Variants in CYFIP2 observed in about 807,000 individuals in gnomAD.
CYFIP2 encodes the protein cytoplasmic FMR1 interacting protein 2.
CYFIP2 carries 29 observed loss-of-function variants against 158.7 expected under a neutral mutation model. The observed-to-expected ratio is 0.18, with a 90% confidence interval of 0.14 to 0.25. The LOEUF (loss-of-function observed/expected upper bound fraction) is 0.25. Ranked by LOEUF, CYFIP2 falls within the 10% of genes least tolerant of loss-of-function variation. The probability of loss-of-function intolerance (pLI) is 1.00; values close to 1 mark genes in which losing one functional copy is unlikely to be tolerated. For synonymous variants in CYFIP2, 585 were observed against 617.6 expected, an observed-to-expected ratio of 0.95 and a Z score of 0.78; for missense variants, 852 against 1,639.5, an observed-to-expected ratio of 0.52 and a Z score of 8.29.
rs1383376761 is a variant in CYFIP2 at position 157,360,264 on chromosome 5, G to C, written c.2818-18G>C. The C allele has an allele frequency of 5.0e-6, 8 of 1,608,866 alleles. No homozygotes were observed. The highest frequency in any genetic ancestry group is 3.3e-4 in the Middle Eastern group (2 of 6,060). On this transcript the variant is annotated intron_variant, in intron 24 of 30. Transcript: ENST00000620254. ...AGCCCAGAATTCAGCCCACTCATCT[G>C]TACTCTTCTTTTGTCAGCTCCAAGG...
At chr5:157,309,609 G>T in intron 9 of CYFIP2, 134 bp from the exon 10 acceptor site, 1 of 736,096 alleles carries the variant, frequency 1.4e-6, no homozygotes, top group South Asian at 1.7e-5. Flanking sequence ...ACATGGTAGC[G>T]TCATCGGAAG....
chr5:157,300,232 C>T (rs572099926), intron 5 of CYFIP2, among the ~76,000 whole-genome samples: 1 of 152,134 alleles, frequency 6.6e-6, no homozygotes, highest in South Asian at 2.1e-4. Flanking sequence ...TCCAGGCTCC[C>T]CTCAAGAAAT....
At chr5:157,306,472 C>A (rs1759231377) in intron 8 of CYFIP2, among the ~76,000 whole-genome samples, 1 of 152,174 alleles carries the variant, frequency 6.6e-6, no homozygotes, top group African/African-American at 2.4e-5. Context: ...TGTTCCCCAC[C>A]CTCTTCAATC....
At chr5:157,379,156 T>G (rs1765785987) in intron 26 of CYFIP2, among the ~76,000 whole-genome samples, 1 of 152,162 alleles carries the variant, frequency 6.6e-6, no homozygotes, top group Admixed American at 6.5e-5. Context: ...CTTGGAAAGA[T>G]GAGATTTTAT....
intron 30 of CYFIP2, among the ~76,000 whole-genome samples, chr5:157,391,550 C>T (rs966051425): frequency 6.6e-6 from 1 of 152,134 alleles, no homozygotes. Flanking sequence ...TTTGTCTTTT[C>T]GTGACTGGCT....
intron 21 of CYFIP2, among the ~76,000 whole-genome samples, chr5:157,333,668 T>C (rs1353312515): frequency 3.3e-5 from 5 of 152,152 alleles, no homozygotes; most frequent in Non-Finnish European, 2.9e-5. Flanking sequence ...TCCTTGAGAT[T>C]TCTAGAGATG....
chr5:157,289,608 G>A (rs1757666084), intron 3 of CYFIP2, among the ~76,000 whole-genome samples: 2 of 152,052 alleles, frequency 1.3e-5, no homozygotes, highest in Admixed American at 1.3e-4. Flanking sequence ...TTCTTTCTGT[G>A]TGTCCAGATT....
Position 157,383,423 on chromosome 5 carries a change from A to G in CYFIP2, c.3207+64A>G, listed in dbSNP as rs1766328003. 5 of 1,444,544 alleles carry G rather than the reference A, an allele frequency of 3.5e-6. No individual in the cohort carries two copies. The South Asian group carries it at 4.7e-5, about 14-fold the overall frequency. The allele number at this position is 1,444,544 out of a possible 1,614,324, so 89.5% of individuals were successfully genotyped here. A position where few individuals can be genotyped will look rare whatever the true frequency, so the allele number is the denominator to read the frequency against. ...CAGGAACTTGAGAGCATTTGACCAAACCCCCTCATTGTACAGGTCAGGAAA... is the reference window on the plus strand; with the variant it reads ...CAGGAACTTGAGAGCATTTGACCAAGCCCCCTCATTGTACAGGTCAGGAAA... On this transcript the variant is annotated intron_variant, in intron 28 of 30. Coordinates refer to ENST00000620254, the MANE Select transcript of CYFIP2 (RefSeq NM_001037333.3).
chr5:157,339,361 G>T, intron 22 of CYFIP2, 105 bp downstream of exon 22: 1 of 1,011,518 alleles, frequency 9.9e-7, no homozygotes, highest in Non-Finnish European at 1.5e-6. Context: ...CCTGCAACAG[G>T]TGTCTCTCAG....
intron 3 of CYFIP2, among the ~76,000 whole-genome samples, chr5:157,293,373 G>T (rs1757990612): frequency 1.3e-5 from 2 of 152,096 alleles, no homozygotes; most frequent in Non-Finnish European, 2.9e-5. Flanking sequence ...CAGGTATTCG[G>T]ACCTTGAGTT....
At chr5:157,286,195 A>G (rs1757361877) in intron 2 of CYFIP2, among the ~76,000 whole-genome samples, 1 of 152,140 alleles carries the variant, frequency 6.6e-6, no homozygotes, top group South Asian at 2.1e-4. Flanking sequence ...ATTGATTCAC[A>G]TCTTCTAACC....
At chr5:157,336,590 C>T (rs1243222981) in intron 21 of CYFIP2, among the ~76,000 whole-genome samples, 1 of 152,216 alleles carries the variant, frequency 6.6e-6, no homozygotes, top group African/African-American at 2.4e-5. Context: ...CCTGAGGCCA[C>T]AGAGCTGGTT....
Position 157,285,448 on chromosome 5 carries a change from C to T in CYFIP2, c.87C>T (p.Ile29=), listed in dbSNP as rs1312258193. 8 of 1,576,324 alleles carry T rather than the reference C, an allele frequency of 5.1e-6. No homozygotes were observed. The highest frequency in any genetic ancestry group is 4.1e-5 in the African/African-American group (3 of 74,042). Residue 29 remains isoleucine, a synonymous_variant, in exon 2 of 31, where the codon ATC becomes ATT. Transcript: ENST00000620254. The part of the protein sequence containing the change: ...ELPLPDQQPC[I]EPPPSSIMYQ... ...CCCTCCCCGACCAGCAGCCATGCAT[C>T]GAGCCTCCACCTTCCTCCATCATGT...
chr5:157,367,585 C>A (rs182283663), intron 26 of CYFIP2, among the ~76,000 whole-genome samples: 327 of 152,238 alleles, frequency 2.1e-3, no homozygotes, highest in Non-Finnish European at 4.0e-3. Flanking sequence ...TTGTTCTTTT[C>A]AACAGTTCCA....
At position 157,376,833 on chromosome 5, in the gene CYFIP2, A is replaced by G. The variant is rs947654809; in HGVS notation, c.3040-5757A>G. Reference sequence around the variant, plus strand: ...ACTTCCAAGCTCAGATCTACTCTGCAGACTCTGCAGGGCCTAGGCCTCACA... The same window carrying G: ...ACTTCCAAGCTCAGATCTACTCTGCGGACTCTGCAGGGCCTAGGCCTCACA... On this transcript the variant is annotated intron_variant, in intron 26 of 30. Coordinates refer to ENST00000620254, the MANE Select transcript of CYFIP2 (RefSeq NM_001037333.3). 4 of 453,262 alleles carry G rather than the reference A, an allele frequency of 8.8e-6. No homozygotes were observed. In the Admixed American group the frequency reaches 9.4e-5, roughly 11 times the overall value. The allele number at this position is 453,262 out of a possible 1,614,324, so 28.1% of individuals were successfully genotyped here.
intron 23 of CYFIP2, 45 bp from the exon 24 acceptor site, chr5:157,358,960 C>T: frequency 6.2e-7 from 1 of 1,612,018 alleles, no homozygotes; most frequent in Non-Finnish European, 8.5e-7. Context: ...CACCAGTGTC[C>T]ATTCAGTACT....
At chr5:157,353,738 T>C (rs988948071) in intron 23 of CYFIP2, among the ~76,000 whole-genome samples, 1 of 152,216 alleles carries the variant, frequency 6.6e-6, no homozygotes, top group African/African-American at 2.4e-5. Flanking sequence ...TAGAGAGCTG[T>C]GTTTGTGTTT....
chr5:157,370,668 A>G (rs1198097632), intron 26 of CYFIP2, among the ~76,000 whole-genome samples: 6 of 152,264 alleles, frequency 3.9e-5, no homozygotes, highest in Non-Finnish European at 1.5e-5. Flanking sequence ...CTATGATTAA[A>G]TCACATTTCC....
chr5:157,271,922 T>C (rs763649164), intron 1 of CYFIP2, among the ~76,000 whole-genome samples: 2 of 152,170 alleles, frequency 1.3e-5, no homozygotes, highest in Non-Finnish European at 2.9e-5. Flanking sequence ...ATACGCGTCA[T>C]GTTGGTGTTC....
Sources: gnomAD v4.1 joint callset for allele counts (sites outside exome capture counted in the v4.1 genomes callset) on GRCh38, gnomAD v4.1.1 for gene constraint, MANE v1.5 for transcripts, NCBI Gene and HGNC (gene_info 2026-07-23, HGNC 2026-07-21) for gene names.